The following GRK5 variants were observed in gnomAD, a reference collection of about 807,000 sequenced individuals.
The protein encoded by GRK5 is G protein-coupled receptor kinase 5.
GRK5 carries 40 observed loss-of-function variants against 78.4 expected under a neutral mutation model. The ratio of observed to expected loss-of-function variants is 0.51; its 90% CI spans 0.40 to 0.66. The LOEUF (loss-of-function observed/expected upper bound fraction) is 0.66, where lower values mean the gene tolerates loss of function less well. Ranked by LOEUF, GRK5 falls within the 30% of genes least tolerant of loss-of-function variation. The pLI, the probability that GRK5 is intolerant of heterozygous loss-of-function variation, is 0.00. For synonymous variants in GRK5, 289 were observed against 296.8 expected (o/e 0.97, Z 0.27); for missense variants, 598 against 759.9 (o/e 0.79, Z 2.50).
chr10:119,271,211 A>G lies in GRK5; in HGVS notation c.53-55305A>G, dbSNP rs945364863. Among the ~76,000 whole-genome samples, 2 of 152,146 alleles carry G rather than the reference A, an allele frequency of 1.3e-5. No individual in the cohort carries two copies. The highest frequency in any genetic ancestry group is 4.1e-4 in the South Asian group (2 of 4,830). On this transcript the variant is annotated intron_variant, in intron 1 of 15. Coordinates refer to ENST00000392870, the MANE Select transcript of GRK5 (RefSeq NM_005308.3). This position sits in a 1 kb window ranked among gnomAD's most constrained non-coding sequence, Gnocchi z 4.1. ...GCCCGGGCCACACGTGTACAGCCACATCCTCCACGCCCTTTGGGCGCTGGT... is the reference window on the plus strand; with the variant it reads ...GCCCGGGCCACACGTGTACAGCCACGTCCTCCACGCCCTTTGGGCGCTGGT...
At chr10:119,289,804 A>G (rs1849918273) in intron 1 of GRK5, among the ~76,000 whole-genome samples, 2 of 152,194 alleles carry the variant, frequency 1.3e-5, no homozygotes. Flanking sequence ...TTCAGTTTGT[A>G]TAACCATGTT....
At chr10:119,380,040 C>T (rs1190579689) in intron 2 of GRK5, among the ~76,000 whole-genome samples, 1 of 152,118 alleles carries the variant, frequency 6.6e-6, no homozygotes, top group Non-Finnish European at 1.5e-5. Context: ...TCAGGGTTTT[C>T]ATAATTTGAA....
chr10:119,450,743 G>T (rs1052262411), intron 13 of GRK5, among the ~76,000 whole-genome samples: 1 of 152,052 alleles, frequency 6.6e-6, no homozygotes, highest in Non-Finnish European at 1.5e-5. Context: ...GCAGAGCCCC[G>T]CAAAGCGCAC....
intron 3 of GRK5, among the ~76,000 whole-genome samples, chr10:119,381,993 A>G (rs1239094605): frequency 6.6e-6 from 1 of 152,100 alleles, no homozygotes; most frequent in African/African-American, 2.4e-5. Flanking sequence ...TCCCAAATGC[A>G]CTCAGGACTT....
chr10:119,454,721 A>C (rs1853368462), intron 15 of GRK5, among the ~76,000 whole-genome samples: 1 of 152,188 alleles, frequency 6.6e-6, no homozygotes, highest in African/African-American at 2.4e-5. Context: ...CCATGCCTGC[A>C]GGCTTAACCA....
chr10:119,360,093 G>A (rs763907980), intron 2 of GRK5, among the ~76,000 whole-genome samples: 47 of 151,294 alleles, frequency 3.1e-4, no homozygotes, highest in Non-Finnish European at 6.5e-4. Context: ...ATAGGGGGAG[G>A]CTGAGGAGGC....
chr10:119,374,266 T>A (rs568231922), intron 2 of GRK5, among the ~76,000 whole-genome samples: 1 of 152,334 alleles, frequency 6.6e-6, no homozygotes, highest in East Asian at 1.9e-4. Flanking sequence ...AAAGGGGAAG[T>A]GACTTGTCCA....
chr10:119,207,690 A>C lies in GRK5; in HGVS notation c.-228A>C. The C allele has an allele frequency of 5.0e-6, 2 of 400,040 alleles. No homozygotes were observed. Among genetic ancestry groups the C allele is most frequent in the Non-Finnish European group, 8.3e-6 (2 of 240,664 alleles). 24.8% of individuals were successfully genotyped at this position (400,040 alleles called of 1,614,324 possible). Reference sequence around the variant, plus strand: ...TGTTGAGGGAGGGGGGAGGGGGGACACAGAGGGAGGAAGAAGCGGCGGCGG... The same window carrying C: ...TGTTGAGGGAGGGGGGAGGGGGGACCCAGAGGGAGGAAGAAGCGGCGGCGG... On this transcript the variant is annotated 5_prime_UTR_variant, in exon 1 of 16. Transcript: ENST00000392870.
At chr10:119,405,452 A>C (rs1203914888) in intron 4 of GRK5, among the ~76,000 whole-genome samples, 1 of 151,972 alleles carries the variant, frequency 6.6e-6, no homozygotes, top group Non-Finnish European at 1.5e-5. Flanking sequence ...CACAAACGAA[A>C]TCTATTCGTA....
At chr10:119,279,002 C>T (rs962972572) in intron 1 of GRK5, among the ~76,000 whole-genome samples, 3 of 152,212 alleles carry the variant, frequency 2.0e-5, no homozygotes, top group African/African-American at 4.8e-5. Context: ...CTCTGTCTCC[C>T]GAGTAGCTGG....
intron 1 of GRK5, among the ~76,000 whole-genome samples, chr10:119,309,780 G>A (rs1278167994): frequency 2.0e-5 from 3 of 152,150 alleles, no homozygotes; most frequent in East Asian, 1.9e-4. Context: ...TTGGGGGAAC[G>A]TTCTTAGGAC....
chr10:119,208,218 C>T (rs1848422940), intron 1 of GRK5, among the ~76,000 whole-genome samples: 2 of 152,254 alleles, frequency 1.3e-5, no homozygotes, highest in South Asian at 2.1e-4. Context: ...GTTTCCAGCG[C>T]TCGCCCTGCA....
chr10:119,233,994 T>G (rs1301471532), intron 1 of GRK5, among the ~76,000 whole-genome samples: 1 of 152,136 alleles, frequency 6.6e-6, no homozygotes, highest in Non-Finnish European at 1.5e-5. Context: ...ACATGTTGGT[T>G]TGATCCCCCA....
chr10:119,305,928 T>A (rs1011028250), intron 1 of GRK5, among the ~76,000 whole-genome samples: 7 of 152,106 alleles, frequency 4.6e-5, no homozygotes, highest in Admixed American at 1.3e-4. Context: ...AGAAAATAAC[T>A]CCCAGTGAGG....
intron 2 of GRK5, among the ~76,000 whole-genome samples, chr10:119,342,228 G>A (rs1283008438): frequency 6.6e-6 from 1 of 152,254 alleles, no homozygotes; most frequent in Non-Finnish European, 1.5e-5. Flanking sequence ...GTGCTGAACA[G>A]CTGGAACATC....
chr10:119,425,873 C>T (rs1013306036), intron 6 of GRK5, among the ~76,000 whole-genome samples: 7 of 152,378 alleles, frequency 4.6e-5, no homozygotes, highest in Admixed American at 1.3e-4. Flanking sequence ...GAACATAGGA[C>T]CTGACTTAGC....
intron 8 of GRK5, among the ~76,000 whole-genome samples, chr10:119,434,105 G>T (rs1852875280): frequency 6.6e-6 from 1 of 152,096 alleles, no homozygotes; most frequent in South Asian, 2.1e-4. Flanking sequence ...AACAGTATAG[G>T]AGAAACTGCC....
At chr10:119,381,519 T>C (rs1031405409) in intron 3 of GRK5, among the ~76,000 whole-genome samples, 3 of 152,238 alleles carry the variant, frequency 2.0e-5, no homozygotes, top group African/African-American at 7.2e-5. Context: ...CCTGACACCA[T>C]GGAGTCTTCC....
chr10:119,320,148 T>A (rs1430750106), intron 1 of GRK5, among the ~76,000 whole-genome samples: 1 of 152,106 alleles, frequency 6.6e-6, no homozygotes, highest in African/African-American at 2.4e-5. Flanking sequence ...GGAACAATGA[T>A]GTATACAGGG....
Sources: gnomAD v4.1 joint callset for allele counts (sites outside exome capture counted in the v4.1 genomes callset) on GRCh38, gnomAD v4.1.1 for gene constraint, Gnocchi (gnomAD v3.1) non-coding constraint, MANE v1.5 for transcripts, NCBI Gene and HGNC (gene_info 2026-07-23, HGNC 2026-07-21) for gene names.